CDH4: variants seen among roughly 807,000 people sequenced by gnomAD.
CDH4 encodes the protein cadherin 4.
A neutral mutation model predicts 86.0 loss-of-function variants in CDH4; 33 were observed. The ratio of observed to expected loss-of-function variants is 0.38; its 90% CI spans 0.29 to 0.51. The LOEUF (loss-of-function observed/expected upper bound fraction) is 0.51, where lower values mean the gene tolerates loss of function less well. Ranked by LOEUF, CDH4 falls within the 20% of genes least tolerant of loss-of-function variation. CDH4 has a pLI of 0.86. For missense variants in CDH4, 1,114 were observed against 1,307.4 expected, an observed-to-expected ratio of 0.85 and a Z score of 2.28; for synonymous variants, 555 against 549.4, an observed-to-expected ratio of 1.01 and a Z score of -0.14.
intron 2 of CDH4, among the ~76,000 whole-genome samples, chr20:61,401,361 A>G (rs957911386): frequency 2.0e-5 from 3 of 149,664 alleles, no homozygotes; most frequent in African/African-American, 7.5e-5. Context: ...GCGTTGAACT[A>G]TGCAGAAATC....
chr20:61,305,278 C>T (rs937873968), intron 2 of CDH4, among the ~76,000 whole-genome samples: 1 of 152,054 alleles, frequency 6.6e-6, no homozygotes, highest in Admixed American at 6.6e-5. Flanking sequence ...TTCCACCCAG[C>T]GTGGCTTTCG....
At position 61,289,222 on chromosome 20, in the gene CDH4, G is replaced by A. The variant is rs527515356; in HGVS notation, c.169+34285G>A. Among the ~76,000 whole-genome samples, 15 of 152,306 alleles carry A rather than the reference G, an allele frequency of 9.8e-5. No homozygotes were observed. The South Asian group carries it at 3.1e-3, about 32-fold the overall frequency. ...TGGCCTGAACAGTGGCATGTGCTGA[G>A]CGGCGTGCTCCCAGCTCCTGGCACT... On this transcript the variant is annotated intron_variant, in intron 2 of 15. Coordinates refer to ENST00000614565, the MANE Select transcript of CDH4 (RefSeq NM_001794.5).
At position 61,295,604 on chromosome 20, in the gene CDH4, G is replaced by A. The variant is rs573271023; in HGVS notation, c.169+40667G>A. 1.3e-3 allele frequency among the ~76,000 whole-genome samples: 193 copies of A among 152,166 alleles called. 1 individual carries two copies. The highest frequency in any genetic ancestry group is 1.5e-3 in the Non-Finnish European group (99 of 68,034). Reference sequence around the variant, plus strand: ...AAGTTGCAGACTTGCGAGTGGCCCTGGGCGTCATCCTGCGGTTCATATTTC... The same window carrying A: ...AAGTTGCAGACTTGCGAGTGGCCCTAGGCGTCATCCTGCGGTTCATATTTC... On this transcript the variant is annotated intron_variant, in intron 2 of 15. Transcript: ENST00000614565.
At position 61,703,707 on chromosome 20, in the gene CDH4, G is replaced by A. The variant is rs1318225586; in HGVS notation, c.170-39856G>A. ...GTCTCATCTGGGCCCTGGTGATGAGGTGGCTCCACTCGGGGCAGGGTTGAG... is the reference window on the plus strand; with the variant it reads ...GTCTCATCTGGGCCCTGGTGATGAGATGGCTCCACTCGGGGCAGGGTTGAG... On this transcript the variant is annotated intron_variant, in intron 2 of 15. Transcript: ENST00000614565. The surrounding 1 kb of genome is among the most constrained non-coding windows in gnomAD (Gnocchi z 4.3). Among the ~76,000 whole-genome samples the A allele has an allele frequency of 6.6e-6, 1 of 152,202 alleles. No individual in the cohort carries two copies. Among genetic ancestry groups the A allele is most frequent in the Non-Finnish European group, 1.5e-5 (1 of 68,028 alleles).
rs1282867736 is a variant in CDH4, at chr20:61,676,630, T to A, written c.170-66933T>A. On this transcript the variant is annotated intron_variant, in intron 2 of 15. Coordinates refer to ENST00000614565, the MANE Select transcript of CDH4 (RefSeq NM_001794.5). This position sits in a 1 kb window ranked among gnomAD's most constrained non-coding sequence, Gnocchi z 4.5. ...CAGGGTTCACTGAGTGTACCTGGCA[T>A]TCTCTCAATTCTCTGCACATGCCCT... 6.6e-6 allele frequency among the ~76,000 whole-genome samples: 1 copy of A among 152,138 alleles called. No homozygotes were observed. The highest frequency in any genetic ancestry group is 1.5e-5 in the Non-Finnish European group (1 of 68,026).
chr20:61,668,787 C>T (rs577110338), intron 2 of CDH4, among the ~76,000 whole-genome samples: 5 of 152,356 alleles, frequency 3.3e-5, no homozygotes, highest in South Asian at 2.1e-4. Context: ...CTCCACTTAC[C>T]GCTTCTTGCT....
intron 4 of CDH4, among the ~76,000 whole-genome samples, chr20:61,804,477 C>T (rs539525604): frequency 7.9e-5 from 12 of 152,182 alleles, no homozygotes; most frequent in South Asian, 4.1e-4. Context: ...CAGCCACACC[C>T]GGGGGGCAGC....
At chr20:61,745,458 C>A (rs1330577496) in intron 3 of CDH4, among the ~76,000 whole-genome samples, 1 of 152,214 alleles carries the variant, frequency 6.6e-6, no homozygotes, top group Non-Finnish European at 1.5e-5. Context: ...GATGGACAGT[C>A]TTCACTGCAT....
intron 2 of CDH4, among the ~76,000 whole-genome samples, chr20:61,324,883 G>A (rs551336515): frequency 6.6e-6 from 1 of 152,272 alleles, no homozygotes; most frequent in South Asian, 2.1e-4. Context: ...TTGGGACATG[G>A]AACTCGCTGG....
intron 9 of CDH4, among the ~76,000 whole-genome samples, chr20:61,915,674 C>T (rs898549448): frequency 6.6e-6 from 1 of 152,220 alleles, no homozygotes; most frequent in African/African-American, 2.4e-5. Flanking sequence ...CCCCCATCTG[C>T]AGAACATCCC....
At chr20:61,496,522 C>A (rs1213036249) in intron 2 of CDH4, among the ~76,000 whole-genome samples, 1 of 152,228 alleles carries the variant, frequency 6.6e-6, no homozygotes, top group East Asian at 1.9e-4. Flanking sequence ...GTGCAGACGT[C>A]AGTATACTTC....
intron 2 of CDH4, among the ~76,000 whole-genome samples, chr20:61,476,965 C>T (rs985331530): frequency 5.3e-5 from 8 of 152,196 alleles, no homozygotes; most frequent in Non-Finnish European, 1.0e-4. Flanking sequence ...ACCACAGAAG[C>T]CCCGGGAGAG....
chr20:61,793,111 T>C (rs6089506), intron 4 of CDH4, among the ~76,000 whole-genome samples: 40,048 of 151,886 alleles, frequency 0.26, 6,145 homozygotes, highest in East Asian at 0.42. Context: ...TACAAGCGCC[T>C]GCCACTACGC....
chr20:61,657,951 C>T (rs2087210077), intron 2 of CDH4, among the ~76,000 whole-genome samples: 1 of 152,006 alleles, frequency 6.6e-6, no homozygotes, highest in East Asian at 1.9e-4. Context: ...GCCAATGGCA[C>T]TGTGTGTCTT....
At chr20:61,895,651 AGCAGGGCAGCTGCACCACCAG>A (rs923337465) in intron 8 of CDH4, among the ~76,000 whole-genome samples, 1 of 152,224 alleles carries the variant, frequency 6.6e-6, no homozygotes, top group Non-Finnish European at 1.5e-5. Context: ...TCTGGATTCC[AGCAGGGCAGCTGCACCACCAG>A]GAGGGACCCT....
At chr20:61,756,074 A>T (rs150151208) in intron 3 of CDH4, among the ~76,000 whole-genome samples, 57 of 152,272 alleles carry the variant, frequency 3.7e-4, no homozygotes, top group African/African-American at 1.3e-3. Context: ...CTGTGGGCCG[A>T]GCTCTCATGC....
Position 61,501,884 on chromosome 20 carries a change from A to T in CDH4, c.170-241679A>T, listed in dbSNP as rs2085704011. 6.6e-6 allele frequency among the ~76,000 whole-genome samples: 1 copy of T among 152,142 alleles called. No homozygotes were observed. The highest frequency in any genetic ancestry group is 2.4e-5 in the African/African-American group (1 of 41,418). ...CTTGTATATACCTGTTGCGCCTGCG[A>T]GAACATGTTCTCCACTCCCCCAGCT... On this transcript the variant is annotated intron_variant, in intron 2 of 15. Transcript: ENST00000614565. This position sits in a 1 kb window ranked among gnomAD's most constrained non-coding sequence, Gnocchi z 4.2.
intron 4 of CDH4, among the ~76,000 whole-genome samples, chr20:61,800,839 C>T (rs932685632): frequency 1.4e-4 from 22 of 152,304 alleles, no homozygotes; most frequent in African/African-American, 5.1e-4. Context: ...GACCCTGGGG[C>T]GTGTAACCTC....
chr20:61,641,815 CA>C (rs1373643002), intron 2 of CDH4, among the ~76,000 whole-genome samples: 1 of 4,978 alleles, frequency 2.0e-4, no homozygotes, highest in African/African-American at 1.7e-3. Flanking sequence ...CCTGACCCAC[CA>C]GGCACCACCA....
Sources: allele counts gnomAD v4.1 joint callset (sites outside exome capture counted in the v4.1 genomes callset), GRCh38; gene constraint gnomAD v4.1.1; non-coding constraint Gnocchi (gnomAD v3.1); transcripts MANE v1.5; gene names NCBI Gene and HGNC (gene_info 2026-07-23, HGNC 2026-07-21).